GSG1L: variants seen among roughly 807,000 people sequenced by gnomAD.
GSG1L encodes the protein GSG1 like, also known as germ cell-specific gene 1-like protein.
In GSG1L, 24 loss-of-function variants were observed where a neutral mutation model predicts 42.1. The ratio of observed to expected loss-of-function variants is 0.57; its 90% confidence interval spans 0.41 to 0.80. GSG1L has a LOEUF of 0.80. Ranked by LOEUF, GSG1L falls within the 30% of genes least tolerant of loss-of-function variation. GSG1L has a pLI of 0.00. For missense variants in GSG1L, 445 were observed against 472.2 expected (o/e 0.94, Z 0.53); for synonymous variants, 215 against 203.5 (o/e 1.06, Z -0.48).
At chr16:27,909,376 T>C (rs1169058496) in intron 2 of GSG1L, among the ~76,000 whole-genome samples, 6 of 141,176 alleles carry the variant, frequency 4.3e-5, no homozygotes, top group Non-Finnish European at 7.6e-5. Context: ...TTCTTTCTTC[T>C]TTTTCTTTTT....
chr16:27,979,534 A>C, intron 1 of GSG1L, among the ~76,000 whole-genome samples: 1 of 142,958 alleles, frequency 7.0e-6, no homozygotes, highest in Non-Finnish European at 1.5e-5. Flanking sequence ...ATGCCCTTGC[A>C]CTCCAGCCTG....
intron 1 of GSG1L, among the ~76,000 whole-genome samples, chr16:27,991,365 C>T (rs1306460231): frequency 2.0e-5 from 3 of 150,872 alleles, no homozygotes; most frequent in Non-Finnish European, 4.4e-5. Flanking sequence ...CATACAAATT[C>T]TCTTTTTGAT....
In GSG1L at chr16:27,811,898, GC is replaced by G. The variant is rs543197891; in HGVS notation, c.831-4345del. ...ACTCCTGACCTCAGGTGATCCACCC[GC>G]CTCAGCCTCCCAATGTGCTGGGATT... is the stretch of plus-strand genomic sequence containing the variant. On this transcript the variant is annotated intron_variant, in intron 5 of 6. Transcript: ENST00000447459. Among the ~76,000 whole-genome samples the G allele has an allele frequency of 2.6e-5, 4 of 152,192 alleles. No individual in the cohort carries two copies. The South Asian group carries it at 8.3e-4, about 32-fold the overall frequency.
At position 27,900,835 on chromosome 16, in the gene GSG1L, A is replaced by G. The variant is rs996005311; in HGVS notation, c.398-16197T>C. 2.1e-5 allele frequency among the ~76,000 whole-genome samples: 3 copies of G among 144,532 alleles called. No individual in the cohort carries two copies. The East Asian group carries it at 6.1e-4, about 29-fold the overall frequency. The allele number at this position is 144,532 out of a possible 152,430, so 94.8% of individuals were successfully genotyped here. A position where few individuals can be genotyped will look rare whatever the true frequency, so the allele number is the denominator to read the frequency against. ...TTATCAAAACATTAAAAAAAAAAAA[A>G]CAGATACATAGGCCGAGCATGGTGG... On this transcript the variant is annotated intron_variant, in intron 2 of 6. Transcript: ENST00000447459.
At chr16:27,822,946 C>T (rs2083165464) in intron 5 of GSG1L, among the ~76,000 whole-genome samples, 2 of 152,060 alleles carry the variant, frequency 1.3e-5, no homozygotes, top group African/African-American at 2.4e-5. Context: ...CAAAAAGCTC[C>T]GGGGGCTTCC....
chr16:27,890,751 G>A (rs182987933), intron 2 of GSG1L, among the ~76,000 whole-genome samples: 86 of 152,368 alleles, frequency 5.6e-4, no homozygotes, highest in African/African-American at 2.0e-3. Flanking sequence ...ATGTCCATGA[G>A]CTGGAGCTCA....
intron 1 of GSG1L, among the ~76,000 whole-genome samples, chr16:28,056,785 G>A (rs1365590057): frequency 6.6e-6 from 1 of 152,086 alleles, no homozygotes; most frequent in East Asian, 1.9e-4. Context: ...CAGGGAGCCA[G>A]CGTCCCAGCA....
chr16:27,813,684 T>G (rs955269967), intron 5 of GSG1L, among the ~76,000 whole-genome samples: 1 of 152,234 alleles, frequency 6.6e-6, no homozygotes, highest in Non-Finnish European at 1.5e-5. Context: ...CTGCAGAATC[T>G]GCAGGGTCTT....
chr16:27,952,357 G>A (rs944747322), intron 2 of GSG1L, among the ~76,000 whole-genome samples: 5 of 152,244 alleles, frequency 3.3e-5, no homozygotes, highest in Admixed American at 2.0e-4. Flanking sequence ...ACCAGTCTCT[G>A]TAAGTAGGTT....
intron 1 of GSG1L, among the ~76,000 whole-genome samples, chr16:28,033,860 T>C (rs942427097): frequency 2.1e-4 from 32 of 152,154 alleles, no homozygotes; most frequent in Non-Finnish European, 4.7e-4. Context: ...CAAAAGAGTA[T>C]ATTAAGAAGA....
chr16:28,063,066 G>A lies in GSG1L; in HGVS notation c.349+10C>T. On this transcript the variant is annotated intron_variant, in intron 1 of 6. Coordinates refer to ENST00000447459, the MANE Select transcript of GSG1L (RefSeq NM_001109763.2). This position sits in a 1 kb window ranked among gnomAD's most constrained non-coding sequence, Gnocchi z 5.8. ...CGGAGCCGAGCTGGCCGCCGCCCGCGCGCACTCACCAAGCCCGCTGAGCTC... is the reference window on the plus strand; with the variant it reads ...CGGAGCCGAGCTGGCCGCCGCCCGCACGCACTCACCAAGCCCGCTGAGCTC... The A allele has an allele frequency of 1.8e-5, 26 of 1,407,650 alleles. No homozygotes were observed. Among genetic ancestry groups the A allele is most frequent in the Non-Finnish European group, 2.2e-5 (24 of 1,074,614 alleles). 87.2% of individuals were successfully genotyped at this position (1,407,650 alleles called of 1,614,324 possible). A position where few individuals can be genotyped will look rare whatever the true frequency, so the allele number is the denominator to read the frequency against.
intron 1 of GSG1L, among the ~76,000 whole-genome samples, chr16:27,994,054 TG>T (rs2141137433): frequency 1.2e-5 from 1 of 82,246 alleles, no homozygotes; most frequent in African/African-American, 6.2e-5. Context: ...TTTCTTCTTT[TG>T]CTTGTTAAAC....
At chr16:27,990,849 G>C (rs1374721672) in intron 1 of GSG1L, among the ~76,000 whole-genome samples, 1 of 152,176 alleles carries the variant, frequency 6.6e-6, no homozygotes, top group African/African-American at 2.4e-5. Flanking sequence ...CCAGTAATGG[G>C]ATGGCTGGGT....
intron 3 of GSG1L, among the ~76,000 whole-genome samples, chr16:27,860,790 C>A (rs1264645540): frequency 2.0e-5 from 3 of 152,194 alleles, no homozygotes; most frequent in Non-Finnish European, 2.9e-5. Flanking sequence ...GACAGGACGC[C>A]AGCCTAGGCA....
At chr16:27,932,499 G>A (rs79932288) in intron 2 of GSG1L, among the ~76,000 whole-genome samples, 8,095 of 152,244 alleles carry the variant, frequency 0.053, 266 homozygotes, top group Middle Eastern at 0.14. Context: ...GGTGGCAGCA[G>A]GAGGAAGAGA....
At chr16:27,802,635 G>A (rs1269096288) in intron 6 of GSG1L, among the ~76,000 whole-genome samples, 1 of 151,930 alleles carries the variant, frequency 6.6e-6, no homozygotes, top group Non-Finnish European at 1.5e-5. Context: ...CAGGAGGTTA[G>A]GCCCCTTTTG....
At chr16:27,887,689 C>G (rs952549967) in intron 2 of GSG1L, among the ~76,000 whole-genome samples, 11 of 152,212 alleles carry the variant, frequency 7.2e-5, no homozygotes, top group African/African-American at 2.7e-4. Flanking sequence ...CCCACTTGCT[C>G]CCTGATGAAG....
chr16:27,979,717 AGG>A (rs760882048), intron 1 of GSG1L, among the ~76,000 whole-genome samples: 2,644 of 65,894 alleles, frequency 0.04, 163 homozygotes, highest in African/African-American at 0.053. Context: ...GAAGGAAGGA[AGG>A]AAGGAAGGAA....
intron 3 of GSG1L, among the ~76,000 whole-genome samples, chr16:27,851,859 A>G (rs2083518428): frequency 6.6e-6 from 1 of 152,038 alleles, no homozygotes; most frequent in Admixed American, 6.6e-5. Flanking sequence ...CACTGGGGAG[A>G]GGGGTGGCAG....
Sources: allele counts gnomAD v4.1 joint callset (sites outside exome capture counted in the v4.1 genomes callset), GRCh38; gene constraint gnomAD v4.1.1; non-coding constraint Gnocchi (gnomAD v3.1); transcripts MANE v1.5; gene names NCBI Gene and HGNC (gene_info 2026-07-23, HGNC 2026-07-21).